The following VKORC1L1 variants were observed in gnomAD, a reference collection of about 807,000 sequenced individuals.
The protein encoded by VKORC1L1 is vitamin K epoxide reductase complex subunit 1-like protein 1.
VKORC1L1 carries 2 observed loss-of-function variants against 18.9 expected under a neutral mutation model. The ratio of observed to expected loss-of-function variants is 0.11; its 90% CI spans 0.04 to 0.33. The LOEUF (loss-of-function observed/expected upper bound fraction) is 0.33. Among genes scored for constraint, VKORC1L1 ranks in the 10% least tolerant of loss-of-function variants. The pLI is 1.00. For missense variants in VKORC1L1, 123 were observed against 224.1 expected (o/e 0.55, Z 2.88); for synonymous variants, 96 against 100.0 (o/e 0.96, Z 0.24).
intron 1 of VKORC1L1, among the ~76,000 whole-genome samples, chr7:65,933,410 G>A (rs1441297693): frequency 6.6e-6 from 1 of 151,940 alleles, no homozygotes; most frequent in Non-Finnish European, 1.5e-5. Flanking sequence ...CCCTTGTCCT[G>A]GAGACTACAT....
rs1190590370 is a variant in VKORC1L1, at chr7:65,958,675, AG to A, written c.*4378del. On this transcript the variant is annotated 3_prime_UTR_variant, in exon 3 of 3. Coordinates refer to ENST00000360768, the MANE Select transcript of VKORC1L1 (RefSeq NM_173517.6). ...CTGTAACCTCATTTCTAAGGTATAC[AG>A]GGTTGATTCTTTTTCTCTTAAATCA... is the stretch of plus-strand genomic sequence containing the variant. 6.6e-6 allele frequency: 1 copy of A among 152,198 alleles called. No homozygotes were observed. The highest frequency in any genetic ancestry group is 2.4e-5 in the African/African-American group (1 of 41,458). 9.4% of individuals were successfully genotyped at this position (152,198 alleles called of 1,614,324 possible).
At position 65,881,046 on chromosome 7, in the gene VKORC1L1, C is replaced by T. The variant is rs191522584; in HGVS notation, c.194+7481C>T. On this transcript the variant is annotated intron_variant, in intron 1 of 2. Coordinates refer to ENST00000360768, the MANE Select transcript of VKORC1L1 (RefSeq NM_173517.6). The stretch of plus-strand genomic sequence containing the variant: ...AACTTTCAGATTTGGGATGCTCAAC[C>T]GGTATATAATGCACATATTCCCAAA... Among the ~76,000 whole-genome samples, 23 of 152,182 alleles carry T rather than the reference C, an allele frequency of 1.5e-4. No homozygotes were observed. The East Asian group carries it at 4.1e-3, about 27-fold the overall frequency.
intron 1 of VKORC1L1, among the ~76,000 whole-genome samples, chr7:65,904,937 T>C (rs764393403): frequency 6.6e-6 from 1 of 152,198 alleles, no homozygotes; most frequent in Non-Finnish European, 1.5e-5. Context: ...TATGTATGTA[T>C]ATATGTATGT....
chr7:65,873,557 T>A lies in VKORC1L1; in HGVS notation c.186T>A (p.Leu62=). ...LGPWVKCSAA[L]ASRWGRGFGL... ...CCTGGGTGAAGTGCTCCGCCGCCCT[T>A]GCCTCCAGGTAGCCGGCTTGGGGGA... Residue 62 remains leucine, a synonymous_variant, in exon 1 of 3, where the codon CTT becomes CTA. Coordinates refer to ENST00000360768, the MANE Select transcript of VKORC1L1 (RefSeq NM_173517.6). 6.5e-7 allele frequency: 1 copy of A among 1,546,648 alleles called. No homozygotes were observed.
intron 1 of VKORC1L1, among the ~76,000 whole-genome samples, chr7:65,887,296 A>C (rs1240385098): frequency 6.6e-6 from 1 of 152,186 alleles, no homozygotes; most frequent in Non-Finnish European, 1.5e-5. Flanking sequence ...TAGTGATAAG[A>C]GCTGTGAACT....
chr7:65,947,406 C>T (rs903057769), intron 1 of VKORC1L1, among the ~76,000 whole-genome samples: 2 of 148,532 alleles, frequency 1.3e-5, no homozygotes, highest in African/African-American at 4.9e-5. Flanking sequence ...GACTTAACAC[C>T]ATAACTGGTT....
At chr7:65,877,620 T>G (rs993006049) in intron 1 of VKORC1L1, among the ~76,000 whole-genome samples, 1 of 152,212 alleles carries the variant, frequency 6.6e-6, no homozygotes, top group African/African-American at 2.4e-5. Flanking sequence ...AGTGCTGAGA[T>G]TATAGGCATC....
At chr7:65,948,555 T>G in intron 1 of VKORC1L1, 116 bp from the exon 2 acceptor site, 1 of 390,578 alleles carries the variant, frequency 2.6e-6, no homozygotes, top group Non-Finnish European at 4.5e-6. Flanking sequence ...CACAGGACAT[T>G]TAAGACATTT....
intron 1 of VKORC1L1, among the ~76,000 whole-genome samples, chr7:65,910,006 G>A (rs1462302978): frequency 6.6e-6 from 1 of 151,996 alleles, no homozygotes; most frequent in Non-Finnish European, 1.5e-5. Context: ...ATGAACCACC[G>A]TGCCTGGCCT....
At chr7:65,889,681 G>A (rs1789078332) in intron 1 of VKORC1L1, among the ~76,000 whole-genome samples, 1 of 152,224 alleles carries the variant, frequency 6.6e-6, no homozygotes, top group Admixed American at 6.5e-5. Flanking sequence ...TCAACTATAT[G>A]CGTCCCCCTT....
chr7:65,887,828 TA>T (rs34339480), intron 1 of VKORC1L1, among the ~76,000 whole-genome samples: 3 of 151,452 alleles, frequency 2.0e-5, no homozygotes, highest in Non-Finnish European at 3.0e-5. Context: ...TCCTGTCATT[TA>T]AAAAAAAAGC....
At chr7:65,927,587 G>A (rs941459803) in intron 1 of VKORC1L1, among the ~76,000 whole-genome samples, 2 of 149,924 alleles carry the variant, frequency 1.3e-5, no homozygotes. Context: ...GGCACACCCA[G>A]CACAGTCACA....
chr7:65,940,349 CCAAA>C (rs778905032), intron 1 of VKORC1L1, among the ~76,000 whole-genome samples: 10 of 152,166 alleles, frequency 6.6e-5, no homozygotes, highest in South Asian at 4.2e-4. Context: ...AATTACATAC[CCAAA>C]CAATCAATCA....
intron 1 of VKORC1L1, among the ~76,000 whole-genome samples, chr7:65,884,443 C>A (rs1788979622): frequency 6.6e-6 from 1 of 152,076 alleles, no homozygotes; most frequent in Non-Finnish European, 1.5e-5. Context: ...TTGAGACCAG[C>A]CTGGCCAACG....
chr7:65,877,391 G>A (rs905175778), intron 1 of VKORC1L1, among the ~76,000 whole-genome samples: 12 of 150,224 alleles, frequency 8.0e-5, no homozygotes, highest in Admixed American at 2.0e-4. Flanking sequence ...TCTGTCACCC[G>A]GACTGGAGTG....
chr7:65,928,717 G>A (rs960107729), intron 1 of VKORC1L1, among the ~76,000 whole-genome samples: 1 of 152,136 alleles, frequency 6.6e-6, no homozygotes, highest in Admixed American at 6.5e-5. Context: ...CAGGTTTTTG[G>A]GTGAGCATAA....
chr7:65,869,991 T>C (rs1788706511), upstream of VKORC1L1, among the ~76,000 whole-genome samples: 1 of 151,880 alleles, frequency 6.6e-6, no homozygotes, highest in Non-Finnish European at 1.5e-5. Flanking sequence ...TTTTTTTTTT[T>C]CTGTAGTGGT....
chr7:65,869,921 T>C (rs1012555690), upstream of VKORC1L1, among the ~76,000 whole-genome samples: 3 of 151,710 alleles, frequency 2.0e-5, no homozygotes, highest in African/African-American at 7.3e-5. Flanking sequence ...TCCCAAAGCA[T>C]TGGGATTACA....
In VKORC1L1 at chr7:65,957,604, G is replaced by A. The variant is rs142010956; in HGVS notation, c.*3304G>A. ...TCCCAGCACTTTGGGAGGCCGAGGC[G>A]GTTGGATCACCTGAGGTCAGAAGTT... On this transcript the variant is annotated 3_prime_UTR_variant, in exon 3 of 3. Coordinates refer to ENST00000360768, the MANE Select transcript of VKORC1L1 (RefSeq NM_173517.6). 2,010 of 152,372 alleles carry A rather than the reference G, an allele frequency of 0.013. 46 individuals are homozygous for A. Among genetic ancestry groups the A allele is most frequent in the East Asian group, 0.087 (449 of 5,180 alleles). The allele number at this position is 152,372 out of a possible 1,614,324, so 9.4% of individuals were successfully genotyped here.
Sources: gnomAD v4.1 joint callset for allele counts (sites outside exome capture counted in the v4.1 genomes callset) on GRCh38, gnomAD v4.1.1 for gene constraint, MANE v1.5 for transcripts, NCBI Gene and HGNC (gene_info 2026-07-23, HGNC 2026-07-21) for gene names.